The following ZC3H6 variants were observed in gnomAD, a reference collection of about 807,000 sequenced individuals.
ZC3H6 encodes the protein zinc finger CCCH-type containing 6.
A neutral mutation model predicts 107.7 loss-of-function variants in ZC3H6; 40 were observed. The ratio of observed to expected loss-of-function variants is 0.37; its 90% CI spans 0.29 to 0.48. ZC3H6 has a LOEUF of 0.48. ZC3H6 is among the 20% of genes least tolerant of loss of function. The probability of loss-of-function intolerance (pLI) is 0.98; values close to 1 mark genes in which losing one functional copy is unlikely to be tolerated. For synonymous variants in ZC3H6, 493 were observed against 487.9 expected (o/e 1.01, Z -0.14); for missense variants, 1,267 against 1,410.4 (o/e 0.90, Z 1.63).
At chr2:112,312,418 T>C (rs1027807290) in intron 5 of ZC3H6, among the ~76,000 whole-genome samples, 3 of 152,200 alleles carry the variant, frequency 2.0e-5, no homozygotes, top group Non-Finnish European at 4.4e-5. Flanking sequence ...GTTGTAGATA[T>C]TCAATAAATA....
intron 1 of ZC3H6, among the ~76,000 whole-genome samples, chr2:112,276,765 C>G (rs1417619624): frequency 6.6e-6 from 1 of 152,082 alleles, no homozygotes; most frequent in African/African-American, 2.4e-5. Flanking sequence ...AGTTTGGGGA[C>G]ATTTACAAAG....
chr2:112,295,102 C>G (rs1030060846), intron 1 of ZC3H6, among the ~76,000 whole-genome samples: 6 of 152,122 alleles, frequency 3.9e-5, no homozygotes, highest in African/African-American at 1.4e-4. Flanking sequence ...TCTAATCTAC[C>G]TGGCAACTCC....
At chr2:112,327,877 T>A (rs1007335786) in intron 11 of ZC3H6, among the ~76,000 whole-genome samples, 1 of 152,050 alleles carries the variant, frequency 6.6e-6, no homozygotes, top group Non-Finnish European at 1.5e-5. Context: ...ATGTGTCTGT[T>A]TTTTGTTAGT....
At chr2:112,301,857 A>G (rs189006318) in intron 2 of ZC3H6, among the ~76,000 whole-genome samples, 29 of 152,218 alleles carry the variant, frequency 1.9e-4, no homozygotes, top group African/African-American at 6.7e-4. Context: ...AAACTTATCA[A>G]TAATAAAAGG....
rs1437013863 is a variant in ZC3H6 at position 112,310,179 on chromosome 2, G to C, written c.613+18G>C. 1 of 1,607,206 alleles carries C rather than the reference G, an allele frequency of 6.2e-7. No homozygotes were observed. Among genetic ancestry groups the C allele is most frequent in the South Asian group, 1.1e-5 (1 of 90,018 alleles). On this transcript the variant is annotated intron_variant, in intron 4 of 11. Coordinates refer to ENST00000409871, the MANE Select transcript of ZC3H6 (RefSeq NM_198581.3). ...TCAGCAAGGTAAGTTTGAAATTACA[G>C]TCTGTCTTAGAATGTGAGAACCTTA...
At chr2:112,294,148 G>A (rs1298089129) in intron 1 of ZC3H6, among the ~76,000 whole-genome samples, 1 of 152,158 alleles carries the variant, frequency 6.6e-6, no homozygotes. Flanking sequence ...TATTCTGAAG[G>A]AACACAGAGC....
rs1233032553 is a variant in ZC3H6, at chr2:112,334,144, TA to T, written c.*1662del. 6.6e-6 allele frequency: 1 copy of T among 152,114 alleles called. No individual in the cohort carries two copies. Among genetic ancestry groups the T allele is most frequent in the East Asian group, 1.9e-4 (1 of 5,204 alleles). The allele number at this position is 152,114 out of a possible 1,614,324, so 9.4% of individuals were successfully genotyped here. Reference sequence around the variant, plus strand: ...ATGGCTCTGGATAACATTTTTGGGTTAAAAAATGTAATTTAAAGCCACCATA... The same window carrying T: ...ATGGCTCTGGATAACATTTTTGGGTTAAAAATGTAATTTAAAGCCACCATA... On this transcript the variant is annotated 3_prime_UTR_variant, in exon 12 of 12. Transcript: ENST00000409871.
intron 2 of ZC3H6, among the ~76,000 whole-genome samples, chr2:112,302,166 T>C (rs983377816): frequency 5.9e-5 from 9 of 152,186 alleles, no homozygotes; most frequent in Non-Finnish European, 1.2e-4. Flanking sequence ...AGCTGACTTC[T>C]GATGGTGACT....
At chr2:112,315,443 C>G (rs1183676687) in intron 5 of ZC3H6, among the ~76,000 whole-genome samples, 1 of 152,078 alleles carries the variant, frequency 6.6e-6, no homozygotes, top group Non-Finnish European at 1.5e-5. Context: ...AATAACCACA[C>G]ACATAAAATC....
In ZC3H6 at chr2:112,276,003, C is replaced by A; in HGVS notation, c.9C>A (p.Asp3Glu). MT[D>E]SEHAGHDRED... is the part of the protein sequence containing the mutation. ...CCCGTTCTTGACCAAACATGACAGA[C>A]TCTGAACATGCAGGGCACGACAGGT... is the stretch of plus-strand genomic sequence containing the variant. Residue 3 changes from aspartate to glutamate, a missense_variant, in exon 1 of 12, where the codon GAC becomes GAA. Physicochemically the swap from Asp to Glu is conservative, Grantham distance 45. Coordinates refer to ENST00000409871, the MANE Select transcript of ZC3H6 (RefSeq NM_198581.3). 1 of 1,541,288 alleles carries A rather than the reference C, an allele frequency of 6.5e-7. No individual in the cohort carries two copies. Among genetic ancestry groups the A allele is most frequent in the Middle Eastern group, 1.8e-4 (1 of 5,598 alleles).
At chr2:112,295,776 CT>C (rs1051643715) in intron 1 of ZC3H6, among the ~76,000 whole-genome samples, 1 of 152,072 alleles carries the variant, frequency 6.6e-6, no homozygotes, top group Non-Finnish European at 1.5e-5. Flanking sequence ...ATTTTAAAAG[CT>C]TGCAGTGTTT....
chr2:112,300,240 G>T (rs1676346987), intron 2 of ZC3H6, among the ~76,000 whole-genome samples: 1 of 151,330 alleles, frequency 6.6e-6, no homozygotes, highest in African/African-American at 2.4e-5. Context: ...TTGAGATAGG[G>T]TCTATTGTCC....
In ZC3H6 at chr2:112,311,845, C is replaced by T. The variant is rs375474202; in HGVS notation, c.655C>T (p.Arg219Cys). The T allele has an allele frequency of 4.3e-6, 7 of 1,613,266 alleles. No homozygotes were observed. The highest frequency in any genetic ancestry group is 1.3e-5 in the African/African-American group (1 of 74,972). ...TAAAAGTTTTAATGTTGGTCGTGGA[C>T]GTGGCTTGCCGAAGAAAATCAAACG... ...RVKSFNVGRG[R>C]GLPKKIKRKE... The change falls in exon 5 of 12, where the codon CGT (arginine) becomes TGT (cysteine). Residue 219 changes from arginine (R) to cysteine (C), a missense_variant. By Grantham distance (180) the Arg-to-Cys change is radical (BLOSUM62 -3). This residue lies in a region of ZC3H6 where 337 missense variants were observed against 361.2 expected (regional missense o/e 0.93). Transcript: ENST00000409871.
intron 1 of ZC3H6, among the ~76,000 whole-genome samples, chr2:112,285,066 C>T (rs1033499338): frequency 3.9e-5 from 6 of 152,040 alleles, no homozygotes; most frequent in East Asian, 3.8e-4. Context: ...TTGTATTTTT[C>T]GTTAAAGTTT....
At chr2:112,289,784 A>C (rs1432692334) in intron 1 of ZC3H6, among the ~76,000 whole-genome samples, 1 of 152,194 alleles carries the variant, frequency 6.6e-6, no homozygotes, top group Non-Finnish European at 1.5e-5. Context: ...TCTGTCACCC[A>C]GGCTGAAATA....
chr2:112,282,247 T>C (rs1686541503), intron 1 of ZC3H6, among the ~76,000 whole-genome samples: 1 of 152,186 alleles, frequency 6.6e-6, no homozygotes, highest in South Asian at 2.1e-4. Flanking sequence ...CACCAGGTCA[T>C]GCCATCAGTT....
At chr2:112,293,055 A>G (rs894258556) in intron 1 of ZC3H6, among the ~76,000 whole-genome samples, 1 of 152,230 alleles carries the variant, frequency 6.6e-6, no homozygotes, top group Non-Finnish European at 1.5e-5. Flanking sequence ...TAGGAGAGCC[A>G]TGTGTAGTTT....
chr2:112,308,225 TAAAAC>T (rs578190489), intron 3 of ZC3H6, among the ~76,000 whole-genome samples: 85 of 152,128 alleles, frequency 5.6e-4, no homozygotes, highest in Middle Eastern at 6.8e-3. Flanking sequence ...AAGTACTACT[TAAAAC>T]AAATCAAAAA....
At position 112,278,810 on chromosome 2, in the gene ZC3H6, T is replaced by TA. The variant is rs1318450649; in HGVS notation, c.32+2785dup. ...ATAATTTTTTTCTCGTTTAAAGAAA[T>TA]AGAGTCTCGCTATATGCCTAGGCTG... On this transcript the variant is annotated intron_variant, in intron 1 of 11. Coordinates refer to ENST00000409871, the MANE Select transcript of ZC3H6 (RefSeq NM_198581.3). Among the ~76,000 whole-genome samples, 4 of 152,154 alleles carry TA rather than the reference T, an allele frequency of 2.6e-5. No individual in the cohort carries two copies. The East Asian group carries it at 5.8e-4, about 22-fold the overall frequency.
Sources: allele counts gnomAD v4.1 joint callset (sites outside exome capture counted in the v4.1 genomes callset), GRCh38; gene constraint gnomAD v4.1.1; regional missense constraint gnomAD v4.1.1; transcripts MANE v1.5; gene names NCBI Gene and HGNC (gene_info 2026-07-23, HGNC 2026-07-21).